DSCAM: variants seen among roughly 807,000 people sequenced by gnomAD.
DSCAM encodes DS cell adhesion molecule.
A neutral mutation model predicts 217.7 loss-of-function variants in DSCAM; 47 were observed. The observed-to-expected ratio is 0.22, with a 90% CI of 0.17 to 0.28. The LOEUF (loss-of-function observed/expected upper bound fraction) is 0.28, where lower values mean the gene tolerates loss of function less well. DSCAM is among the 10% of genes least tolerant of loss of function. The pLI, the probability that DSCAM is intolerant of heterozygous loss-of-function variation, is 1.00. For synonymous variants in DSCAM, 1,056 were observed against 1,015.3 expected, an observed-to-expected ratio of 1.04 and a Z score of -0.76; for missense variants, 2,080 against 2,618.3, an observed-to-expected ratio of 0.79 and a Z score of 4.49.
chr21:40,554,455 A>AC, intron 3 of DSCAM, among the ~76,000 whole-genome samples: 1 of 152,156 alleles, frequency 6.6e-6, no homozygotes, highest in Non-Finnish European at 1.5e-5. Context: ...CCTTTCAGGG[A>AC]CCCCTCAAGT....
At chr21:40,504,832 C>T (rs2146043514) in intron 3 of DSCAM, among the ~76,000 whole-genome samples, 2 of 151,778 alleles carry the variant, frequency 1.3e-5, no homozygotes, top group East Asian at 3.9e-4. Context: ...CCAGTGGAAA[C>T]ATGCATTACT....
intron 8 of DSCAM, among the ~76,000 whole-genome samples, chr21:40,325,541 A>T (rs2074308359): frequency 1.3e-5 from 2 of 152,236 alleles, no homozygotes; most frequent in African/African-American, 4.8e-5. Context: ...AGATATTCAC[A>T]ATCATTTCTA....
chr21:40,167,309 C>T (rs374366727), intron 15 of DSCAM, 21 bp from the exon 16 acceptor site: 3 of 1,613,186 alleles, frequency 1.9e-6, no homozygotes, highest in Non-Finnish European at 2.5e-6. Flanking sequence ...CAAAAACCCA[C>T]AGGCAGGTTA....
intron 1 of DSCAM, among the ~76,000 whole-genome samples, chr21:40,809,895 TG>T (rs2091822844): frequency 6.6e-6 from 1 of 152,118 alleles, no homozygotes; most frequent in South Asian, 2.1e-4. Flanking sequence ...GCTGTGAAAA[TG>T]AGACAAGACA....
chr21:40,706,180 C>CAA (rs560131166), intron 2 of DSCAM, among the ~76,000 whole-genome samples: 164 of 99,434 alleles, frequency 1.6e-3, no homozygotes, highest in Middle Eastern at 0.016. Context: ...ACTCCAGTCT[C>CAA]AAAAAAAAAA....
intron 11 of DSCAM, among the ~76,000 whole-genome samples, chr21:40,204,493 A>G (rs2091103306): frequency 6.6e-6 from 1 of 152,244 alleles, no homozygotes; most frequent in Admixed American, 6.5e-5. Context: ...TACTTATTTA[A>G]GAACGTTCTC....
intron 2 of DSCAM, among the ~76,000 whole-genome samples, chr21:40,703,549 C>A (rs929395065): frequency 7.2e-5 from 11 of 152,118 alleles, no homozygotes; most frequent in Admixed American, 2.6e-4. Context: ...CATCCACACA[C>A]ACACACACCC....
intron 3 of DSCAM, among the ~76,000 whole-genome samples, chr21:40,681,344 G>A (rs1405755178): frequency 6.6e-6 from 1 of 152,220 alleles, no homozygotes; most frequent in Non-Finnish European, 1.5e-5. Context: ...TTGCAGCTGG[G>A]ACAGCGGCAG....
intron 14 of DSCAM, among the ~76,000 whole-genome samples, chr21:40,181,430 A>G (rs369997601): frequency 6.6e-6 from 1 of 152,172 alleles, no homozygotes; most frequent in East Asian, 1.9e-4. Context: ...TATCTTGGTC[A>G]TTCCGATGTA....
intron 16 of DSCAM, among the ~76,000 whole-genome samples, chr21:40,165,723 A>G (rs531610727): frequency 6.7e-4 from 102 of 152,364 alleles, no homozygotes; most frequent in African/African-American, 2.3e-3. Context: ...AAAGCTTTTG[A>G]GGCCACAGTA....
chr21:40,683,858 G>A (rs2090444722), intron 3 of DSCAM, among the ~76,000 whole-genome samples: 1 of 152,126 alleles, frequency 6.6e-6, no homozygotes, highest in African/African-American at 2.4e-5. Context: ...CTGAGAAAAA[G>A]CTTGGGAAAG....
intron 8 of DSCAM, among the ~76,000 whole-genome samples, chr21:40,317,085 C>T (rs765337562): frequency 6.6e-6 from 1 of 152,198 alleles, no homozygotes; most frequent in Non-Finnish European, 1.5e-5. Context: ...TTGAAATAGA[C>T]AGCAAGTAGC....
chr21:40,361,737 C>T (rs1276220477), intron 4 of DSCAM, among the ~76,000 whole-genome samples: 3 of 152,178 alleles, frequency 2.0e-5, no homozygotes, highest in African/African-American at 7.2e-5. Flanking sequence ...TACATAACCA[C>T]AGTCAGTATT....
chr21:40,410,057 C>T (rs988755080), intron 3 of DSCAM, among the ~76,000 whole-genome samples: 15 of 151,616 alleles, frequency 9.9e-5, no homozygotes, highest in African/African-American at 3.6e-4. Context: ...AGAAATGAAA[C>T]AGATGATAAA....
intron 3 of DSCAM, among the ~76,000 whole-genome samples, chr21:40,575,315 T>A (rs1021478544): frequency 1.3e-5 from 2 of 152,058 alleles, no homozygotes; most frequent in Non-Finnish European, 2.9e-5. Flanking sequence ...TCGCTGACTC[T>A]TTTTGGACTC....
chr21:40,656,022 AG>A (rs199715514), intron 3 of DSCAM, among the ~76,000 whole-genome samples: 7,930 of 152,224 alleles, frequency 0.052, 500 homozygotes, highest in East Asian at 0.17. Context: ...ACTGCACTCC[AG>A]CTTGGGTGAC....
chr21:40,672,703 T>A (rs1192890149), intron 3 of DSCAM, among the ~76,000 whole-genome samples: 2 of 152,134 alleles, frequency 1.3e-5, no homozygotes, highest in African/African-American at 2.4e-5. Flanking sequence ...TTCTGATTGA[T>A]AACCTTAAAT....
chr21:40,795,243 C>A (rs1012623963), intron 1 of DSCAM, among the ~76,000 whole-genome samples: 3 of 152,310 alleles, frequency 2.0e-5, no homozygotes, highest in Admixed American at 6.5e-5. Context: ...TCCTCTCACA[C>A]AAACACATCT....
At chr21:40,801,173 G>A (rs902700391) in intron 1 of DSCAM, among the ~76,000 whole-genome samples, 1 of 151,876 alleles carries the variant, frequency 6.6e-6, no homozygotes, top group Non-Finnish European at 1.5e-5. Context: ...GGCTGGTCTC[G>A]AACTCCTGAC....
Sources: allele counts gnomAD v4.1 joint callset (sites outside exome capture counted in the v4.1 genomes callset), GRCh38; gene constraint gnomAD v4.1.1; transcripts MANE v1.5; gene names NCBI Gene and HGNC (gene_info 2026-07-23, HGNC 2026-07-21).